Variants in SPA17 observed in about 807,000 individuals in gnomAD.
SPA17 encodes the protein sperm autoantigenic protein 17, also known as sperm surface protein Sp17.
In SPA17, 7 loss-of-function variants were observed where a neutral mutation model predicts 13.8. The ratio of observed to expected loss-of-function variants is 0.51; its 90% CI spans 0.29 to 0.95. The LOEUF is 0.95. Ranked by LOEUF, SPA17 falls within the 40% of genes least tolerant of loss-of-function variation. The pLI is 0.08. For synonymous variants in SPA17, 61 were observed against 59.0 expected (o/e 1.03, Z -0.16); for missense variants, 170 against 179.3 (o/e 0.95, Z 0.30).
At chr11:124,677,584 T>C (rs1943482893) in intron 2 of SPA17, among the ~76,000 whole-genome samples, 1 of 152,202 alleles carries the variant, frequency 6.6e-6, no homozygotes, top group Non-Finnish European at 1.5e-5. Flanking sequence ...AAAATTTTGC[T>C]AGCTAAATTG....
intron 3 of SPA17, among the ~76,000 whole-genome samples, chr11:124,683,512 A>G (rs1943546979): frequency 6.6e-6 from 1 of 151,728 alleles, no homozygotes; most frequent in African/African-American, 2.4e-5. Context: ...CATAAAAGCT[A>G]TAGACTGGCT....
At chr11:124,677,249 A>G (rs1473049470) in intron 2 of SPA17, among the ~76,000 whole-genome samples, 1 of 151,952 alleles carries the variant, frequency 6.6e-6, no homozygotes, top group African/African-American at 2.4e-5. Context: ...TTCAAAAAGG[A>G]AAAAAAACAA....
intron 3 of SPA17, among the ~76,000 whole-genome samples, chr11:124,682,890 C>T (rs1468204039): frequency 1.4e-5 from 2 of 142,864 alleles, no homozygotes; most frequent in African/African-American, 5.2e-5. Context: ...AGTGATTCCC[C>T]AAATACAATG....
chr11:124,691,651 C>A, intron 3 of SPA17, 45 bp from the exon 4 acceptor site: 1 of 1,366,330 alleles, frequency 7.3e-7, no homozygotes, highest in Non-Finnish European at 1.0e-6. Flanking sequence ...AAGACTTTGC[C>A]ATTTTGGAAA....
At chr11:124,693,654 T>G (rs545103718) in intron 4 of SPA17, among the ~76,000 whole-genome samples, 1 of 152,202 alleles carries the variant, frequency 6.6e-6, no homozygotes, top group Non-Finnish European at 1.5e-5. Context: ...ATACATGTCA[T>G]TTCTATAATT....
chr11:124,683,163 G>A (rs1943544223), intron 3 of SPA17, among the ~76,000 whole-genome samples: 1 of 152,142 alleles, frequency 6.6e-6, no homozygotes, highest in Non-Finnish European at 1.5e-5. Context: ...GAGAAATAAA[G>A]TATTTCCCAA....
In SPA17 at chr11:124,673,953, G is replaced by A. The variant is rs1943419252; in HGVS notation, c.-28+1G>A. 6 of 568,846 alleles carry A rather than the reference G, an allele frequency of 1.1e-5. No individual in the cohort carries two copies. The highest frequency in any genetic ancestry group is 9.1e-5 in the Admixed American group (3 of 32,906). The allele number at this position is 568,846 out of a possible 1,614,324, so 35.2% of individuals were successfully genotyped here. ...CGGCACCAGCTCGGAGAGAAAGGAG[G>A]TGAGGCCGCTTCCCCACTTCCTCTC... On this transcript the variant is annotated splice_donor_variant, in intron 1 of 4. Transcript: ENST00000227135. LOFTEE classifies it low-confidence loss of function (5UTR_SPLICE).
rs977226900 is a variant in SPA17 at position 124,674,001 on chromosome 11, C to T, written c.-28+49C>T. ...CTCCGATACCAAGACCTAGCCTTTT[C>T]CCTTCGTCTCTCTTATTCTCTCAGC... On this transcript the variant is annotated intron_variant, in intron 1 of 4. Transcript: ENST00000227135. 1.7e-5 allele frequency: 8 copies of T among 462,902 alleles called. No individual in the cohort carries two copies. In the Admixed American group the frequency reaches 2.8e-4, roughly 16 times the overall value. 28.7% of individuals were successfully genotyped at this position (462,902 alleles called of 1,614,324 possible).
At position 124,694,234 on chromosome 11, in the gene SPA17, A is replaced by G. The variant is rs2134421306; in HGVS notation, c.313-69A>G. 4.5e-6 allele frequency: 7 copies of G among 1,554,946 alleles called. No individual in the cohort carries two copies. In the South Asian group the frequency reaches 7.2e-5, roughly 16 times the overall value. On this transcript the variant is annotated intron_variant, in intron 4 of 4. Coordinates refer to ENST00000227135, the MANE Select transcript of SPA17 (RefSeq NM_017425.4). ...TCCCTAAAATGATTAAATTTCATCC[A>G]TTTATTTTTGTGGCATCAAAACTAC...
chr11:124,684,326 A>G (rs974290173), intron 3 of SPA17, among the ~76,000 whole-genome samples: 2 of 152,078 alleles, frequency 1.3e-5, no homozygotes, highest in African/African-American at 4.8e-5. Flanking sequence ...CAGTGGCACA[A>G]TCTTGGCTCA....
At chr11:124,693,266 G>A (rs1943640449) in intron 4 of SPA17, among the ~76,000 whole-genome samples, 1 of 151,996 alleles carries the variant, frequency 6.6e-6, no homozygotes, top group Non-Finnish European at 1.5e-5. Flanking sequence ...ATAATAGGGG[G>A]ATAGGAGGCT....
chr11:124,690,852 C>T (rs1943617582), intron 3 of SPA17, among the ~76,000 whole-genome samples: 1 of 152,168 alleles, frequency 6.6e-6, no homozygotes, highest in Non-Finnish European at 1.5e-5. Context: ...GAAGAAGGAG[C>T]TGTCACTTAT....
chr11:124,675,346 C>T lies in SPA17; in HGVS notation c.82C>T (p.Leu28=), dbSNP rs747955822. The T allele has an allele frequency of 6.2e-7, 1 of 1,614,224 alleles. No homozygotes were observed. The highest frequency in any genetic ancestry group is 8.5e-7 in the Non-Finnish European group (1 of 1,180,046). The change falls in exon 2 of 5, where the codon CTG becomes TTG. Residue 28 remains leucine, a synonymous_variant. Transcript: ENST00000227135. Reference sequence around the variant, plus strand: ...TCTTGAAGGGCTGACACGCGAGATTCTGAGAGAGCAACCGGACAATATACC... The same window carrying T: ...TCTTGAAGGGCTGACACGCGAGATTTTGAGAGAGCAACCGGACAATATACC... ...NLLEGLTREI[L]REQPDNIPAF... is the part of the protein sequence containing the mutation.
intron 2 of SPA17, among the ~76,000 whole-genome samples, chr11:124,677,236 C>G (rs547224723): frequency 2.2e-4 from 33 of 152,244 alleles, no homozygotes; most frequent in African/African-American, 7.2e-4. Context: ...AGAATTCAGT[C>G]TCTTCAAAAA....
At position 124,673,941 on chromosome 11, in the gene SPA17, G is replaced by T; in HGVS notation, c.-39G>T. On this transcript the variant is annotated 5_prime_UTR_variant, in exon 1 of 5. Coordinates refer to ENST00000227135, the MANE Select transcript of SPA17 (RefSeq NM_017425.4). ...AACCGGAACCGGCGGCACCAGCTCG[G>T]AGAGAAAGGAGGTGAGGCCGCTTCC... is the stretch of plus-strand genomic sequence containing the variant. The T allele has an allele frequency of 5.2e-6, 3 of 580,352 alleles. No homozygotes were observed. Among genetic ancestry groups the T allele is most frequent in the Non-Finnish European group, 9.2e-6 (3 of 326,582 alleles). The allele number at this position is 580,352 out of a possible 1,614,324, so 36.0% of individuals were successfully genotyped here.
At chr11:124,693,345 A>G (rs1943641251) in intron 4 of SPA17, among the ~76,000 whole-genome samples, 1 of 152,202 alleles carries the variant, frequency 6.6e-6, no homozygotes, top group Non-Finnish European at 1.5e-5. Flanking sequence ...AGTATAATAT[A>G]ATGATGTCAT....
At chr11:124,689,777 AAAAG>A (rs1323547490) in intron 3 of SPA17, among the ~76,000 whole-genome samples, 2 of 152,100 alleles carry the variant, frequency 1.3e-5, no homozygotes, top group Non-Finnish European at 2.9e-5. Context: ...AAGAAAAAGA[AAAAG>A]AAAAAAGAAC....
At chr11:124,683,816 C>T (rs570566715) in intron 3 of SPA17, among the ~76,000 whole-genome samples, 3 of 152,214 alleles carry the variant, frequency 2.0e-5, no homozygotes, top group Non-Finnish European at 4.4e-5. Context: ...AGCACTGGAG[C>T]AACCAGATTC....
intron 2 of SPA17, among the ~76,000 whole-genome samples, chr11:124,679,765 A>T (rs1313253338): frequency 2.0e-5 from 3 of 152,208 alleles, no homozygotes; most frequent in African/African-American, 7.2e-5. Flanking sequence ...ATACCAGAGA[A>T]CAAGGAAGCT....
Sources: allele counts gnomAD v4.1 joint callset (sites outside exome capture counted in the v4.1 genomes callset), GRCh38; gene constraint gnomAD v4.1.1; transcripts MANE v1.5; gene names NCBI Gene and HGNC (gene_info 2026-07-23, HGNC 2026-07-21).